RNF212B: variants seen among roughly 807,000 people sequenced by gnomAD.
The protein encoded by RNF212B is ring finger protein 212B.
Under a neutral mutation model 55.5 loss-of-function variants are expected in RNF212B, and 52 were observed. The observed-to-expected ratio is 0.94, with a 90% CI of 0.75 to 1.18. The LOEUF is 1.18. Ranked by LOEUF, RNF212B falls within the 50% of genes most tolerant of loss-of-function variation. RNF212B has a pLI of 0.00. For synonymous variants in RNF212B, 99 were observed against 121.4 expected (o/e 0.82, Z 1.21); for missense variants, 289 against 350.4 (o/e 0.82, Z 1.40).
intron 1 of RNF212B, among the ~76,000 whole-genome samples, chr14:23,240,093 G>A (rs183535766): frequency 1.2e-4 from 18 of 147,480 alleles, no homozygotes; most frequent in African/African-American, 3.7e-4. Context: ...GTGTTTATAT[G>A]TATATATATA....
At chr14:23,259,696 C>A in intron 5 of RNF212B, 188 bp from the exon 6 acceptor site, 1 of 394,166 alleles carries the variant, frequency 2.5e-6, no homozygotes, top group Non-Finnish European at 4.6e-6. Flanking sequence ...TTTTGTCCAC[C>A]TAATTGTTCT....
At chr14:23,220,125 A>C (rs1037336009) in intron 2 of RNF212B, among the ~76,000 whole-genome samples, 2 of 151,996 alleles carry the variant, frequency 1.3e-5, no homozygotes, top group African/African-American at 4.8e-5. Context: ...CAGAGGTTGC[A>C]GTGAGCCTGG....
rs186013480 is a variant in RNF212B at position 23,244,282 on chromosome 14, A to G, written c.154-40A>G. The stretch of plus-strand genomic sequence containing the variant: ...GTTAGTCAGTATTTTATTTTATTCA[A>G]TTGTGGATATTCTCACAGTGTGTAT... On this transcript the variant is annotated intron_variant, in intron 3 of 14. Coordinates refer to ENST00000430154, the MANE Select transcript of RNF212B (RefSeq NM_001282322.3). The G allele has an allele frequency of 8.3e-4, 969 of 1,172,672 alleles. 2 individuals carry two copies. The highest frequency in any genetic ancestry group is 1.1e-3 in the Non-Finnish European group (882 of 828,740). 72.6% of individuals were successfully genotyped at this position (1,172,672 alleles called of 1,614,324 possible). A position where few individuals can be genotyped will look rare whatever the true frequency, so the allele number is the denominator to read the frequency against.
chr14:23,238,722 C>A (rs1458794495), intron 1 of RNF212B, among the ~76,000 whole-genome samples: 1 of 148,256 alleles, frequency 6.7e-6, no homozygotes, highest in South Asian at 2.1e-4. Context: ...GGAGACAGAG[C>A]CAGACCCTGT....
At chr14:23,248,346 G>A (rs73602428) in intron 4 of RNF212B, among the ~76,000 whole-genome samples, 1 of 149,492 alleles carries the variant, frequency 6.7e-6, no homozygotes, top group African/African-American at 2.5e-5. Flanking sequence ...ATGTTGCCCA[G>A]GTCTCGAACC....
At chr14:23,194,220 T>C (rs1345233798) in intron 2 of RNF212B, among the ~76,000 whole-genome samples, 1 of 152,072 alleles carries the variant, frequency 6.6e-6, no homozygotes, top group African/African-American at 2.4e-5. Flanking sequence ...ATGGCAGCAA[T>C]GGTATTATCA....
intron 2 of RNF212B, among the ~76,000 whole-genome samples, chr14:23,211,060 A>G (rs1880464132): frequency 6.6e-6 from 1 of 151,898 alleles, no homozygotes; most frequent in Non-Finnish European, 1.5e-5. Context: ...TCTACTGAAA[A>G]TAAAAAAATT....
chr14:23,272,895 A>G lies in RNF212B; in HGVS notation c.*4A>G, dbSNP rs1290306118. ...AGCATGGACCACTTCTAGATAGATC[A>G]TCTTCAAGATCTGATCTATACATGC... On this transcript the variant is annotated 3_prime_UTR_variant, in exon 15 of 15. Transcript: ENST00000430154. The G allele has an allele frequency of 5.3e-6, 8 of 1,500,030 alleles. No homozygotes were observed. Among genetic ancestry groups the G allele is most frequent in the Non-Finnish European group, 7.2e-6 (8 of 1,106,728 alleles). 92.9% of individuals were successfully genotyped at this position (1,500,030 alleles called of 1,614,324 possible).
intron 2 of RNF212B, among the ~76,000 whole-genome samples, chr14:23,212,902 T>C (rs908089014): frequency 6.6e-6 from 1 of 151,558 alleles, no homozygotes; most frequent in African/African-American, 2.4e-5. Context: ...TTTGAAGTAA[T>C]TTCTTTTTTG....
chr14:23,213,095 A>G (rs911677754), intron 2 of RNF212B, among the ~76,000 whole-genome samples: 18 of 152,042 alleles, frequency 1.2e-4, no homozygotes, highest in Admixed American at 8.5e-4. Flanking sequence ...GGCATATCAC[A>G]AGGTCAGGAG....
At chr14:23,194,761 C>T (rs968265320) in intron 2 of RNF212B, among the ~76,000 whole-genome samples, 1 of 124,374 alleles carries the variant, frequency 8.0e-6, no homozygotes, top group Non-Finnish European at 1.8e-5. Flanking sequence ...AAAAAAACAA[C>T]GCTGCTGTAT....
intron 14 of RNF212B, 62 bp downstream of exon 14, chr14:23,270,723 T>A: frequency 9.1e-7 from 1 of 1,100,406 alleles, no homozygotes; most frequent in African/African-American, 1.5e-5. Flanking sequence ...GCCTGCACAC[T>A]AAATGCCTCA....
intron 2 of RNF212B, among the ~76,000 whole-genome samples, chr14:23,232,422 A>C (rs1238929689): frequency 6.9e-6 from 1 of 144,070 alleles, no homozygotes. Context: ...GCCCTGTCTG[A>C]GAAGTGAGGA....
chr14:23,261,581 G>A (rs1448332551), intron 7 of RNF212B, among the ~76,000 whole-genome samples: 2 of 152,178 alleles, frequency 1.3e-5, no homozygotes, highest in Non-Finnish European at 2.9e-5. Context: ...AGTGCCTACT[G>A]TTTATCAGGT....
intron 2 of RNF212B, among the ~76,000 whole-genome samples, chr14:23,228,556 G>A (rs1882248321): frequency 6.6e-6 from 1 of 151,552 alleles, no homozygotes; most frequent in Non-Finnish European, 1.5e-5. Flanking sequence ...GGATGAGCAG[G>A]GAGGATCACT....
At position 23,204,824 on chromosome 14, in the gene RNF212B, C is replaced by G. The variant is rs1349459649; in HGVS notation, c.-2+11423C>G. On this transcript the variant is annotated intron_variant, in intron 2 of 15. Transcript: ENST00000399910. ...GATGGGGATTGTGTATGGTCATTTT[C>G]ACAATATTGATTCTACCCATCCATG... is the stretch of plus-strand genomic sequence containing the variant. 2.6e-5 allele frequency among the ~76,000 whole-genome samples: 4 copies of G among 152,014 alleles called. No individual in the cohort carries two copies. The East Asian group carries it at 7.7e-4, about 29-fold the overall frequency.
At chr14:23,269,020 G>GCACC in intron 12 of RNF212B, 57 bp downstream of exon 12, 1 of 1,442,580 alleles carries the variant, frequency 6.9e-7, no homozygotes, top group Non-Finnish European at 9.5e-7. Context: ...AACTCTGCCA[G>GCACC]CAGGCTGGGT....
Position 23,201,065 on chromosome 14 carries a change from A to C in RNF212B, c.-2+7664A>C, listed in dbSNP as rs187796830. Among the ~76,000 whole-genome samples, 909 of 152,310 alleles carry C rather than the reference A, an allele frequency of 6.0e-3. 9 individuals are homozygous for C. The highest frequency in any genetic ancestry group is 0.021 in the African/African-American group (856 of 41,572). On this transcript the variant is annotated intron_variant, in intron 2 of 15. Transcript: ENST00000399910. ...AAGAAAAGTTTTAAGACTCTGAAAA[A>C]CAGAATAAAGGATCAGCAACATTTT...
chr14:23,264,764 C>A, intron 11 of RNF212B, 93 bp downstream of exon 11: 6 of 664,420 alleles, frequency 9.0e-6, no homozygotes, highest in Admixed American at 4.7e-5. Context: ...AATGCCATTT[C>A]ACTTGTTTTT....
Sources: gnomAD v4.1 joint callset for allele counts (sites outside exome capture counted in the v4.1 genomes callset) on GRCh38, gnomAD v4.1.1 for gene constraint, MANE v1.5 for transcripts, NCBI Gene and HGNC (gene_info 2026-07-23, HGNC 2026-07-21) for gene names.